Variants in PREX2 observed in about 807,000 individuals in gnomAD.
The protein encoded by PREX2 is phosphatidylinositol 3,4,5-trisphosphate-dependent Rac exchanger 2 protein.
A neutral mutation model predicts 203.2 loss-of-function variants in PREX2; 107 were observed. That is an observed-to-expected ratio of 0.53 (90% confidence interval 0.45 to 0.62). PREX2 has a LOEUF of 0.62. PREX2 is among the 20% of genes least tolerant of loss of function. The pLI, the probability that PREX2 is intolerant of heterozygous loss-of-function variation, is 0.00. For missense variants in PREX2, 1,777 were observed against 1,955.9 expected, an observed-to-expected ratio of 0.91 and a Z score of 1.72; for synonymous variants, 672 against 663.6, an observed-to-expected ratio of 1.01 and a Z score of -0.19.
At chr8:68,021,936 C>T (rs753579088) in intron 3 of PREX2, 100 bp from the exon 4 acceptor site, 4 of 655,572 alleles carry the variant, frequency 6.1e-6, no homozygotes, top group Middle Eastern at 4.0e-4. Context: ...GCTCTTAAAA[C>T]GTAGTAAACA....
intron 25 of PREX2, among the ~76,000 whole-genome samples, chr8:68,115,242 G>A (rs1229230105): frequency 6.6e-6 from 1 of 151,992 alleles, no homozygotes; most frequent in East Asian, 1.9e-4. Context: ...TGGTCAGGCT[G>A]GTCTCGAACT....
intron 7 of PREX2, among the ~76,000 whole-genome samples, chr8:68,039,472 A>G (rs1808130875): frequency 6.6e-6 from 1 of 151,986 alleles, no homozygotes. Flanking sequence ...TTCCCTCTTC[A>G]TATTCATAGA....
chr8:68,161,070 A>T (rs1811642912), intron 35 of PREX2, among the ~76,000 whole-genome samples: 1 of 151,324 alleles, frequency 6.6e-6, no homozygotes. Flanking sequence ...ACCTTTTAAA[A>T]TTTTCTTTTC....
chr8:68,037,819 AG>A (rs1344452686), intron 6 of PREX2, among the ~76,000 whole-genome samples: 1 of 152,238 alleles, frequency 6.6e-6, no homozygotes, highest in Non-Finnish European at 1.5e-5. Flanking sequence ...GAACAAAGAA[AG>A]AGAAATTATA....
intron 1 of PREX2, among the ~76,000 whole-genome samples, chr8:68,014,853 T>C (rs1807369034): frequency 6.6e-6 from 1 of 152,200 alleles, no homozygotes; most frequent in South Asian, 2.1e-4. Flanking sequence ...GCTCAAAATG[T>C]AGATTTCTGG....
At chr8:68,183,059 G>T (rs1812116233) in intron 35 of PREX2, among the ~76,000 whole-genome samples, 1 of 151,966 alleles carries the variant, frequency 6.6e-6, no homozygotes, top group Admixed American at 6.6e-5. Context: ...GGAATGGGAA[G>T]TTTGTTGGCA....
At chr8:68,051,257 C>T (rs1385475464) in intron 8 of PREX2, among the ~76,000 whole-genome samples, 1 of 152,064 alleles carries the variant, frequency 6.6e-6, no homozygotes, top group East Asian at 1.9e-4. Context: ...ACACTGTGTT[C>T]ATTTTAGAGT....
intron 23 of PREX2, chr8:68,103,524 G>A: frequency 1.9e-6 from 1 of 518,532 alleles, no homozygotes; most frequent in Non-Finnish European, 3.8e-6. Flanking sequence ...AAAAGAAATA[G>A]CCCTCCCCTA....
intron 1 of PREX2, among the ~76,000 whole-genome samples, chr8:67,964,029 A>G (rs1236367770): frequency 3.3e-5 from 5 of 152,130 alleles, no homozygotes; most frequent in Admixed American, 6.6e-5. Context: ...GCCAGGCCTC[A>G]GTATTTATGT....
chr8:68,113,535 G>A (rs1810577604), intron 25 of PREX2, among the ~76,000 whole-genome samples: 1 of 152,190 alleles, frequency 6.6e-6, no homozygotes, highest in Non-Finnish European at 1.5e-5. Context: ...GAAAAACTGT[G>A]TTTAAAATCA....
intron 4 of PREX2, among the ~76,000 whole-genome samples, chr8:68,024,744 A>C (rs2129610355): frequency 6.6e-6 from 1 of 152,004 alleles, no homozygotes; most frequent in Admixed American, 6.6e-5. Flanking sequence ...CTTTTGTGTC[A>C]ATCAAGCATT....
intron 6 of PREX2, among the ~76,000 whole-genome samples, chr8:68,031,172 A>T (rs1400628035): frequency 6.6e-6 from 1 of 152,206 alleles, no homozygotes; most frequent in Non-Finnish European, 1.5e-5. Context: ...GTCACTAAGG[A>T]AATTTTTTTA....
At chr8:67,957,967 CAG>C (rs1048405766) in intron 1 of PREX2, among the ~76,000 whole-genome samples, 2 of 152,124 alleles carry the variant, frequency 1.3e-5, no homozygotes, top group Non-Finnish European at 2.9e-5. Context: ...TTTGGACACA[CAG>C]AGAGATACTG....
chr8:67,961,254 T>A (rs904927017), intron 1 of PREX2, among the ~76,000 whole-genome samples: 1 of 152,004 alleles, frequency 6.6e-6, no homozygotes, highest in Non-Finnish European at 1.5e-5. Context: ...AAATAATTGT[T>A]TTAGTTTGCA....
intron 34 of PREX2, among the ~76,000 whole-genome samples, chr8:68,148,232 G>A (rs1344682577): frequency 6.6e-6 from 1 of 152,154 alleles, no homozygotes; most frequent in African/African-American, 2.4e-5. Context: ...GGGCAATAGG[G>A]TGAGACTCTG....
chr8:68,206,511 A>G (rs898859785), intron 37 of PREX2, among the ~76,000 whole-genome samples: 1 of 152,182 alleles, frequency 6.6e-6, no homozygotes, highest in Admixed American at 6.5e-5. Context: ...AAAATACAAA[A>G]GTTACCTCTT....
intron 7 of PREX2, 66 bp from the exon 8 acceptor site, chr8:68,044,421 A>G (rs1808283194): frequency 5.2e-6 from 6 of 1,148,824 alleles, no homozygotes; most frequent in South Asian, 2.6e-5. Flanking sequence ...TGCCTAAAAT[A>G]TATTGTTTTG....
In PREX2 at chr8:68,063,739, C is replaced by T. The variant is rs547024538; in HGVS notation, c.1339+2960C>T. ...AGCAGCTGGGTTTCTTGATGGACAGCGTAAAAAGACAGACTTAAACTACCA... is the reference window on the plus strand; with the variant it reads ...AGCAGCTGGGTTTCTTGATGGACAGTGTAAAAAGACAGACTTAAACTACCA... On this transcript the variant is annotated intron_variant, in intron 11 of 39. Coordinates refer to ENST00000288368, the MANE Select transcript of PREX2 (RefSeq NM_024870.4). Among the ~76,000 whole-genome samples, 6 of 151,942 alleles carry T rather than the reference C, an allele frequency of 3.9e-5. No homozygotes were observed. The South Asian group carries it at 1.0e-3, about 26-fold the overall frequency.
chr8:68,098,990 A>T (rs1043520689), intron 22 of PREX2, among the ~76,000 whole-genome samples: 2 of 137,012 alleles, frequency 1.5e-5, no homozygotes, highest in African/African-American at 2.8e-5. Context: ...CACATAATTA[A>T]TTCTCAGGTC....
Sources: allele counts gnomAD v4.1 joint callset (sites outside exome capture counted in the v4.1 genomes callset), GRCh38; gene constraint gnomAD v4.1.1; transcripts MANE v1.5; gene names NCBI Gene and HGNC (gene_info 2026-07-23, HGNC 2026-07-21).